Variants in LDLRAD4 observed in about 807,000 individuals in gnomAD.
LDLRAD4 encodes the protein low density lipoprotein receptor class A domain containing 4, also known as low-density lipoprotein receptor class A domain-containing protein 4.
A neutral mutation model predicts 17.0 loss-of-function variants in LDLRAD4; 5 were observed. The ratio of observed to expected loss-of-function variants is 0.29; its 90% confidence interval spans 0.15 to 0.62. LDLRAD4 has a LOEUF of 0.62. Ranked by LOEUF, LDLRAD4 falls within the 20% of genes least tolerant of loss-of-function variation. LDLRAD4 has a pLI of 0.84. For missense variants in LDLRAD4, 340 were observed against 424.7 expected (o/e 0.80, Z 1.75); for synonymous variants, 168 against 171.8 (o/e 0.98, Z 0.17).
At chr18:13,589,024 G>C (rs1461621757) in intron 3 of LDLRAD4, among the ~76,000 whole-genome samples, 1 of 151,362 alleles carries the variant, frequency 6.6e-6, no homozygotes, top group Non-Finnish European at 1.5e-5. Context: ...CGCCTCCCAG[G>C]CTCAAATGAT....
intron 1 of LDLRAD4, among the ~76,000 whole-genome samples, chr18:13,339,843 A>G (rs976467525): frequency 6.6e-6 from 1 of 152,202 alleles, no homozygotes; most frequent in African/African-American, 2.4e-5. Context: ...TCATGACATT[A>G]CGTACACTCA....
Position 13,237,513 on chromosome 18 carries a change from C to A in LDLRAD4, c.-467+18525C>A, listed in dbSNP as rs189436645. On this transcript the variant is annotated intron_variant, in intron 1 of 5. Coordinates refer to the LDLRAD4 transcript ENST00000399848. ...TGGAGACAGAGGTGATAATTTCACTCCTGGTCCCACGGCCAAGTGGAACTG... is the reference window on the plus strand; with the variant it reads ...TGGAGACAGAGGTGATAATTTCACTACTGGTCCCACGGCCAAGTGGAACTG... Among the ~76,000 whole-genome samples the A allele has an allele frequency of 3.3e-5, 5 of 152,296 alleles. No individual in the cohort carries two copies. In the East Asian group the frequency reaches 9.7e-4, roughly 29 times the overall value.
intron 1 of LDLRAD4, among the ~76,000 whole-genome samples, chr18:13,373,343 A>G (rs1051224365): frequency 1.3e-5 from 2 of 152,268 alleles, no homozygotes; most frequent in African/African-American, 4.8e-5. Flanking sequence ...ACATATGTAT[A>G]AATATATGTG....
chr18:13,627,009 C>T (rs1024860346), intron 4 of LDLRAD4, among the ~76,000 whole-genome samples: 6 of 152,228 alleles, frequency 3.9e-5, no homozygotes, highest in African/African-American at 1.2e-4. Flanking sequence ...GTGGCTCACG[C>T]CTATAATCTC....
At chr18:13,501,780 G>A (rs1378140344) in intron 3 of LDLRAD4, among the ~76,000 whole-genome samples, 2 of 152,142 alleles carry the variant, frequency 1.3e-5, no homozygotes, top group East Asian at 1.9e-4. Context: ...GGAATGGGGT[G>A]GGGGTTGGTT....
At chr18:13,255,215 C>T (rs749815317) in intron 1 of LDLRAD4, among the ~76,000 whole-genome samples, 21 of 152,292 alleles carry the variant, frequency 1.4e-4, no homozygotes, top group Middle Eastern at 6.8e-3. Context: ...CCCCGGGATG[C>T]TCCACACCCA....
At chr18:13,540,264 T>C (rs2147934037) in intron 3 of LDLRAD4, among the ~76,000 whole-genome samples, 1 of 152,394 alleles carries the variant, frequency 6.6e-6, no homozygotes, top group South Asian at 2.1e-4. Context: ...CGTAATTCTT[T>C]GTTTAGTCTG....
chr18:13,469,702 G>C (rs2092717264), intron 3 of LDLRAD4, among the ~76,000 whole-genome samples: 1 of 152,206 alleles, frequency 6.6e-6, no homozygotes, highest in Non-Finnish European at 1.5e-5. Context: ...GTGGATTAGA[G>C]GTTACCAGGA....
At chr18:13,401,388 T>C (rs1040957846) in intron 2 of LDLRAD4, among the ~76,000 whole-genome samples, 2 of 147,526 alleles carry the variant, frequency 1.4e-5, no homozygotes, top group Non-Finnish European at 3.0e-5. Context: ...AAAAAAAAAC[T>C]GTCCCTTTCT....
At chr18:13,310,357 A>T (rs2047164204) in intron 1 of LDLRAD4, among the ~76,000 whole-genome samples, 1 of 142,214 alleles carries the variant, frequency 7.0e-6, no homozygotes, top group Admixed American at 7.0e-5. Context: ...TCTGTCTCTT[A>T]AAAAAAAAAA....
intron 1 of LDLRAD4, among the ~76,000 whole-genome samples, chr18:13,264,768 T>C (rs1262539778): frequency 6.6e-6 from 1 of 152,244 alleles, no homozygotes; most frequent in Non-Finnish European, 1.5e-5. Flanking sequence ...CTTTCTGAGA[T>C]GCATTGCTGA....
At chr18:13,573,003 G>A (rs2094714303) in intron 3 of LDLRAD4, among the ~76,000 whole-genome samples, 1 of 152,272 alleles carries the variant, frequency 6.6e-6, no homozygotes, top group Non-Finnish European at 1.5e-5. Context: ...CTCCTGTGCT[G>A]TGTGGATGTT....
intron 1 of LDLRAD4, among the ~76,000 whole-genome samples, chr18:13,232,481 C>T (rs12955200): frequency 0.36 from 54,697 of 150,642 alleles, 10,147 homozygotes; most frequent in Non-Finnish European, 0.39. Context: ...TGGCCTTGTC[C>T]GGGGGCTGCT....
chr18:13,232,386 C>A (rs572339112), intron 1 of LDLRAD4, among the ~76,000 whole-genome samples: 2 of 152,334 alleles, frequency 1.3e-5, no homozygotes, highest in South Asian at 4.1e-4. Flanking sequence ...GAGCTTCTGT[C>A]CTGGTACAGT....
At chr18:13,310,909 C>G (rs116531100) in intron 1 of LDLRAD4, among the ~76,000 whole-genome samples, 130 of 152,290 alleles carry the variant, frequency 8.5e-4, no homozygotes, top group African/African-American at 3.1e-3. Context: ...GATGCAGATT[C>G]TGGATCCAGA....
At chr18:13,601,610 C>T (rs1348289422) in intron 3 of LDLRAD4, among the ~76,000 whole-genome samples, 2 of 148,304 alleles carry the variant, frequency 1.3e-5, no homozygotes, top group East Asian at 2.0e-4. Context: ...GCCAAGATTG[C>T]GCCACGGCAC....
At chr18:13,512,551 TCTTA>T (rs2093798646) in intron 3 of LDLRAD4, among the ~76,000 whole-genome samples, 1 of 152,248 alleles carries the variant, frequency 6.6e-6, no homozygotes, top group Admixed American at 6.5e-5. Context: ...CATTCTGGAT[TCTTA>T]CTTCCTTAGA....
intron 2 of LDLRAD4, among the ~76,000 whole-genome samples, chr18:13,427,732 G>T (rs373025378): frequency 1.4e-4 from 21 of 152,200 alleles, no homozygotes; most frequent in African/African-American, 5.1e-4. Flanking sequence ...CATAATTGAA[G>T]ACCACAGGTA....
Position 13,645,228 on chromosome 18 carries a change from C to G in LDLRAD4, c.492C>G (p.His164Gln), listed in dbSNP as rs771512980. Residue 164 changes from histidine (H) to glutamine (Q), a missense_variant, in exon 6 of 6, where the codon CAC (histidine) becomes CAG (glutamine). His to Gln is a conservative substitution (Grantham distance 24, BLOSUM62 0). Transcript: ENST00000359446. The surrounding 1 kb of genome is among the most constrained non-coding windows in gnomAD (Gnocchi z 5.7). The stretch of plus-strand genomic sequence containing the variant: ...AGCCCACCTACCCCTATGTGCAGCA[C>G]GAGATTGATCTTCCTCCCACCATCT... The G allele has an allele frequency of 5.0e-6, 8 of 1,613,986 alleles. No individual in the cohort carries two copies. The South Asian group carries it at 6.6e-5, about 13-fold the overall frequency.
Sources: allele counts gnomAD v4.1 joint callset (sites outside exome capture counted in the v4.1 genomes callset), GRCh38; gene constraint gnomAD v4.1.1; non-coding constraint Gnocchi (gnomAD v3.1); transcripts MANE v1.5; gene names NCBI Gene and HGNC (gene_info 2026-07-23, HGNC 2026-07-21).